NCOR2: variants seen among roughly 807,000 people sequenced by gnomAD.
NCOR2 encodes CTG repeat protein 26.
Under a neutral mutation model 262.9 loss-of-function variants are expected in NCOR2, and 81 were observed. The ratio of observed to expected loss-of-function variants is 0.31; its 90% CI spans 0.26 to 0.37. The LOEUF is 0.37. NCOR2 is among the 10% of genes least tolerant of loss of function. The pLI, the probability that NCOR2 is intolerant of heterozygous loss-of-function variation, is 1.00. For missense variants in NCOR2, 3,385 were observed against 3,621.4 expected (o/e 0.93, Z 1.68); for synonymous variants, 1,659 against 1,559.3 (o/e 1.06, Z -1.51).
At chr12:124,333,622 C>T (rs2035438539) in intron 41 of NCOR2, among the ~76,000 whole-genome samples, 1 of 151,820 alleles carries the variant, frequency 6.6e-6, no homozygotes, top group South Asian at 2.1e-4. Flanking sequence ...CCAAAGATGT[C>T]CTGCTGTCTT....
intron 17 of NCOR2, among the ~76,000 whole-genome samples, chr12:124,381,347 C>T (rs1222359035): frequency 1.3e-5 from 2 of 152,208 alleles, no homozygotes; most frequent in African/African-American, 2.4e-5. Context: ...GAGAGGTCTT[C>T]CCTGATCACT....
At chr12:124,500,481 C>T (rs1456561722) in intron 1 of NCOR2, among the ~76,000 whole-genome samples, 1 of 152,208 alleles carries the variant, frequency 6.6e-6, no homozygotes, top group Non-Finnish European at 1.5e-5. Flanking sequence ...GCGGAAAGCT[C>T]AGGCCGTGAG....
exon 28 of NCOR2, chr12:124,350,722 C>T (rs755508738): frequency 4.7e-5 from 75 of 1,611,762 alleles, no homozygotes; most frequent in Middle Eastern, 1.7e-4. Context: ...TTGTACAGGA[C>T]GTCAGCTGGC....
chr12:124,476,125 C>T (rs535191119), intron 3 of NCOR2, among the ~76,000 whole-genome samples: 1 of 152,324 alleles, frequency 6.6e-6, no homozygotes, highest in Non-Finnish European at 1.5e-5. Flanking sequence ...GGCATCTGAC[C>T]CCACCCACAG....
rs562487632 is a variant in NCOR2, at chr12:124,386,557, C to T, written c.1877-670G>A. On this transcript the variant is annotated intron_variant, in intron 16 of 46. Transcript: ENST00000405201. ...TTGGTTGCGCAGCTGGAATTTGCTC[C>T]CAAACCCCAACCCGCACAACCAGGA... Among the ~76,000 whole-genome samples, 3 of 152,274 alleles carry T rather than the reference C, an allele frequency of 2.0e-5. No homozygotes were observed. In the South Asian group the frequency reaches 6.2e-4, roughly 32 times the overall value.
rs1015195405 is a variant in NCOR2, at chr12:124,561,483, A to T, written c.-165+5825T>A. Reference sequence around the variant, plus strand: ...GCCCCACGTGGCTGTTAGTTATGGTACTGGCATATCTAGAACATTCTCACC... The same window carrying T: ...GCCCCACGTGGCTGTTAGTTATGGTTCTGGCATATCTAGAACATTCTCACC... On this transcript the variant is annotated intron_variant, in intron 1 of 32. Transcript: ENST00000458234. 8.5e-5 allele frequency among the ~76,000 whole-genome samples: 13 copies of T among 152,294 alleles called. No homozygotes were observed. The South Asian group carries it at 1.0e-3, about 12-fold the overall frequency.
At chr12:124,386,707 T>C (rs2040831869) in intron 16 of NCOR2, among the ~76,000 whole-genome samples, 1 of 152,186 alleles carries the variant, frequency 6.6e-6, no homozygotes, top group Admixed American at 6.5e-5. Flanking sequence ...GGTTCTAGTT[T>C]CAAGGCCACA....
At position 124,389,088 on chromosome 12, in the gene NCOR2, T is replaced by C. The variant is rs1266110723; in HGVS notation, c.1877-3201A>G. On this transcript the variant is annotated intron_variant, in intron 16 of 46. Transcript: ENST00000405201. The surrounding 1 kb of genome is among the most constrained non-coding windows in gnomAD (Gnocchi z 4.4). ...GAGGGTGGTGGGTGGCGGGAAGTTG[T>C]CAGTGGTGCGTGTGGGATGCCCCTG... Among the ~76,000 whole-genome samples the C allele has an allele frequency of 1.3e-5, 2 of 152,276 alleles. No homozygotes were observed. Among genetic ancestry groups the C allele is most frequent in the African/African-American group, 4.8e-5 (2 of 41,578 alleles).
intron 1 of NCOR2, among the ~76,000 whole-genome samples, chr12:124,563,272 G>A (rs1285342461): frequency 6.6e-6 from 1 of 152,212 alleles, no homozygotes; most frequent in African/African-American, 2.4e-5. Context: ...TATCTGGTTA[G>A]GACAATTCTT....
chr12:124,484,501 A>G (rs759653952), intron 2 of NCOR2, among the ~76,000 whole-genome samples: 8 of 152,212 alleles, frequency 5.3e-5, no homozygotes, highest in Non-Finnish European at 1.0e-4. Flanking sequence ...GAGCCTGAAT[A>G]TGGGCCTTGC....
intron 22 of NCOR2, among the ~76,000 whole-genome samples, chr12:124,359,990 G>A (rs556547514): frequency 2.0e-5 from 3 of 152,354 alleles, no homozygotes; most frequent in Admixed American, 2.0e-4. Flanking sequence ...ATGAGGCCAG[G>A]AAACGGCACA....
At position 124,503,737 on chromosome 12, in the gene NCOR2, C is replaced by CAGACGAAT. The variant is rs2048901040; in HGVS notation, c.-117-8370_-117-8369insATTCGTCT. Among the ~76,000 whole-genome samples, 1 of 144,942 alleles carries CAGACGAAT rather than the reference C, an allele frequency of 6.9e-6. No individual in the cohort carries two copies. ...ACAGACGAATGGATGGATGGATGGACGGATGGATGCATGGATGCATGGATG... is the reference window on the plus strand; with the variant it reads ...ACAGACGAATGGATGGATGGATGGACAGACGAATGGATGGATGCATGGATGCATGGATG... On this transcript the variant is annotated intron_variant, in intron 1 of 46. Coordinates refer to the NCOR2 transcript ENST00000404621. This position sits in a 1 kb window ranked among gnomAD's most constrained non-coding sequence, Gnocchi z 4.3.
intron 20 of NCOR2, among the ~76,000 whole-genome samples, chr12:124,371,522 T>C (rs1423337478): frequency 6.6e-6 from 1 of 151,984 alleles, no homozygotes; most frequent in Non-Finnish European, 1.5e-5. Context: ...AGGGCGAAGG[T>C]CATGTGACAG....
chr12:124,370,923 C>T (rs1222844544), intron 20 of NCOR2, among the ~76,000 whole-genome samples: 4 of 152,116 alleles, frequency 2.6e-5, no homozygotes, highest in Non-Finnish European at 5.9e-5. Context: ...GATCCTGAGC[C>T]CTGGACCCTT....
chr12:124,471,638 T>C (rs1222311019), intron 4 of NCOR2, among the ~76,000 whole-genome samples: 4 of 152,252 alleles, frequency 2.6e-5, no homozygotes, highest in Admixed American at 6.5e-5. Context: ...GTGGCAATCA[T>C]GGCTCATGCA....
intron 1 of NCOR2, among the ~76,000 whole-genome samples, chr12:124,557,328 G>A (rs2137280370): frequency 6.6e-6 from 1 of 152,348 alleles, no homozygotes; most frequent in East Asian, 1.9e-4. Flanking sequence ...AAATCAAGGT[G>A]TTGGCAGGGG....
In NCOR2 at chr12:124,457,588, AAGG is replaced by A. The variant is rs772378649; in HGVS notation, c.706-429_706-427del. ...TCAGAGCTAGTGCAGCCAGCGAGGG[AAGG>A]AGGAGGAGGAGGAGGAGGGAGGGTG... is the stretch of plus-strand genomic sequence containing the variant. On this transcript the variant is annotated intron_variant, in intron 5 of 46. Coordinates refer to ENST00000405201, the Ensembl canonical transcript of NCOR2. The surrounding 1 kb of genome is among the most constrained non-coding windows in gnomAD (Gnocchi z 4.0). Among the ~76,000 whole-genome samples the A allele has an allele frequency of 1.3e-4, 20 of 151,754 alleles. No homozygotes were observed. The highest frequency in any genetic ancestry group is 7.9e-4 in the Admixed American group (12 of 15,256).
intron 2 of NCOR2, 124 bp downstream of exon 4, chr12:124,486,317 C>T (rs1222501053): frequency 1.2e-5 from 17 of 1,450,120 alleles, no homozygotes; most frequent in Non-Finnish European, 1.3e-5. Context: ...AGGGTGAACA[C>T]ACGGCCCGAC....
chr12:124,427,154 C>T (rs943649464), intron 10 of NCOR2, among the ~76,000 whole-genome samples: 1 of 152,164 alleles, frequency 6.6e-6, no homozygotes, highest in Non-Finnish European at 1.5e-5. Flanking sequence ...CCAGGGAGCC[C>T]GGGAGACAGG....
Sources: allele counts gnomAD v4.1 joint callset (sites outside exome capture counted in the v4.1 genomes callset), GRCh38; gene constraint gnomAD v4.1.1; non-coding constraint Gnocchi (gnomAD v3.1); transcripts MANE v1.5; gene names NCBI Gene and HGNC (gene_info 2026-07-23, HGNC 2026-07-21).